Variants in ZNF618 observed in about 807,000 individuals in gnomAD.
ZNF618 encodes neural precursor cell expressed, developmentally down-regulated 10.
A neutral mutation model predicts 103.0 loss-of-function variants in ZNF618; 34 were observed. The observed-to-expected ratio is 0.33, with a 90% CI of 0.25 to 0.44. The LOEUF (loss-of-function observed/expected upper bound fraction) is 0.44, where lower values mean the gene tolerates loss of function less well. Among genes scored for constraint, ZNF618 ranks in the 20% least tolerant of loss-of-function variants. The pLI is 1.00. For synonymous variants in ZNF618, 551 were observed against 542.2 expected (o/e 1.02, Z -0.23); for missense variants, 1,059 against 1,295.4 (o/e 0.82, Z 2.80).
At chr9:114,018,040 C>G (rs548046300) in intron 10 of ZNF618, among the ~76,000 whole-genome samples, 1 of 152,298 alleles carries the variant, frequency 6.6e-6, no homozygotes, top group South Asian at 2.1e-4. Context: ...TCTCTGGGCT[C>G]TTTTCCCATC....
Position 114,049,666 on chromosome 9 carries a change from C to T in ZNF618, c.2364C>T (p.Phe788=), listed in dbSNP as rs1166033820. ...CTGTCAGCAAGCTCTGCCACCTCTT[C>T]CTGGAGGCGCTCAAGGAGAACTTCA... The part of the protein sequence containing the change: ...AGTVSKLCHL[F]LEALKENFKV... Residue 788 remains phenylalanine (F), a synonymous_variant, in exon 15 of 15, where the codon TTC becomes TTT. Transcript: ENST00000374126. The T allele has an allele frequency of 1.9e-6, 3 of 1,613,728 alleles. No individual in the cohort carries two copies. The African/African-American group carries it at 4.0e-5, about 22-fold the overall frequency.
chr9:113,925,965 C>T (rs1474898680), intron 1 of ZNF618, among the ~76,000 whole-genome samples: 1 of 152,154 alleles, frequency 6.6e-6, no homozygotes, highest in Non-Finnish European at 1.5e-5. Flanking sequence ...TTCTTTAACA[C>T]TGTCCTTCTC....
At chr9:114,044,202 A>G (rs1313833058) in intron 13 of ZNF618, among the ~76,000 whole-genome samples, 1 of 152,166 alleles carries the variant, frequency 6.6e-6, no homozygotes, top group Non-Finnish European at 1.5e-5. Context: ...TCTTTGATCC[A>G]TCTTGAGTTG....
At chr9:113,893,026 C>G (rs77743204) in intron 1 of ZNF618, among the ~76,000 whole-genome samples, 1 of 152,188 alleles carries the variant, frequency 6.6e-6, no homozygotes, top group South Asian at 2.1e-4. Context: ...AGCAGACTTA[C>G]GAAATAGCAG....
intron 6 of ZNF618, among the ~76,000 whole-genome samples, chr9:114,003,554 G>A (rs898328815): frequency 6.6e-6 from 1 of 152,202 alleles, no homozygotes; most frequent in African/African-American, 2.4e-5. Context: ...GCTACACACA[G>A]CAACATGGAT....
intron 1 of ZNF618, among the ~76,000 whole-genome samples, chr9:113,906,760 G>A (rs1365368391): frequency 6.6e-6 from 1 of 152,172 alleles, no homozygotes; most frequent in Admixed American, 6.5e-5. Context: ...TAGTCAGGAC[G>A]CCTTAGGTTT....
chr9:113,897,043 T>C (rs1830091646), intron 1 of ZNF618, among the ~76,000 whole-genome samples: 1 of 152,150 alleles, frequency 6.6e-6, no homozygotes, highest in Non-Finnish European at 1.5e-5. Flanking sequence ...TCTGTGTACT[T>C]AAAAAATAGC....
At chr9:114,037,894 C>T (rs895202092) in intron 13 of ZNF618, among the ~76,000 whole-genome samples, 208 of 152,290 alleles carry the variant, frequency 1.4e-3, no homozygotes, top group African/African-American at 4.6e-3. Flanking sequence ...GCACTTGCCT[C>T]GGAGACCTGC....
At chr9:113,879,709 C>T (rs764259369) in intron 1 of ZNF618, among the ~76,000 whole-genome samples, 7 of 150,410 alleles carry the variant, frequency 4.7e-5, no homozygotes, top group Non-Finnish European at 1.0e-4. Context: ...ATTATTTTGG[C>T]GAAAGATCGT....
rs373218022 is a variant in ZNF618 at position 113,930,037 on chromosome 9, C to T, written c.34-39080C>T. ...ACAGCCTTGGCCTATAGGGCTTTCA[C>T]GTGTTCTGGGAGGAGTGGAGTGGTC... On this transcript the variant is annotated intron_variant, in intron 1 of 14. Transcript: ENST00000374126. Among the ~76,000 whole-genome samples, 6 of 152,250 alleles carry T rather than the reference C, an allele frequency of 3.9e-5. No individual in the cohort carries two copies. The East Asian group carries it at 5.8e-4, about 15-fold the overall frequency.
chr9:113,938,175 T>TG (rs1280221044), intron 1 of ZNF618, among the ~76,000 whole-genome samples: 5 of 143,754 alleles, frequency 3.5e-5, no homozygotes, highest in Non-Finnish European at 6.1e-5. Context: ...GTTTTTTTTT[T>TG]TTTTTTTTTT....
chr9:113,987,787 AGTTT>A (rs937588672), intron 2 of ZNF618, among the ~76,000 whole-genome samples: 15 of 152,126 alleles, frequency 9.9e-5, no homozygotes, highest in African/African-American at 3.1e-4. Flanking sequence ...TGAGCCCAGG[AGTTT>A]GTTTGTGTTC....
At chr9:113,974,422 G>C (rs758135979) in intron 2 of ZNF618, among the ~76,000 whole-genome samples, 1 of 152,230 alleles carries the variant, frequency 6.6e-6, no homozygotes, top group East Asian at 1.9e-4. Flanking sequence ...ATTCCTCTGC[G>C]TGAGATCAGG....
At chr9:113,971,896 T>C (rs7034374) in intron 2 of ZNF618, among the ~76,000 whole-genome samples, 3,150 of 152,204 alleles carry the variant, frequency 0.021, 69 homozygotes, top group African/African-American at 0.047. Context: ...GTTACTACCA[T>C]GGCGCCGGAA....
chr9:113,996,300 A>G (rs1840585660), intron 3 of ZNF618, among the ~76,000 whole-genome samples: 1 of 152,180 alleles, frequency 6.6e-6, no homozygotes, highest in South Asian at 2.1e-4. Context: ...TGAGCTAAAT[A>G]TGGGACTGTC....
chr9:113,963,571 C>T (rs1392870345), intron 1 of ZNF618, among the ~76,000 whole-genome samples: 2 of 152,120 alleles, frequency 1.3e-5, no homozygotes, highest in African/African-American at 4.8e-5. Context: ...TGACGTCATC[C>T]ACCCAGAGCC....
chr9:113,990,004 T>C (rs1179000395), intron 3 of ZNF618, among the ~76,000 whole-genome samples: 1 of 152,236 alleles, frequency 6.6e-6, no homozygotes, highest in Non-Finnish European at 1.5e-5. Context: ...AGAGCCTCCA[T>C]AACCTGAACC....
intron 1 of ZNF618, among the ~76,000 whole-genome samples, chr9:113,935,655 C>T (rs976100582): frequency 6.6e-6 from 1 of 152,184 alleles, no homozygotes; most frequent in African/African-American, 2.4e-5. Flanking sequence ...CTTACCTCTA[C>T]TCTTCTCCTT....
Position 113,951,509 on chromosome 9 carries a change from A to ATGTGTGTATATGTACACATATG in ZNF618, c.34-17602_34-17581dup, listed in dbSNP as rs1564207639. On this transcript the variant is annotated intron_variant, in intron 1 of 14. Coordinates refer to ENST00000374126, the MANE Select transcript of ZNF618 (RefSeq NM_001318042.2). Reference sequence around the variant, plus strand: ...TATATGTGTGTATGTGTACACATATATGTGTGTATATGTACACATATGTGT... The same window carrying ATGTGTGTATATGTACACATATG: ...TATATGTGTGTATGTGTACACATATATGTGTGTATATGTACACATATGTGTGTGTATATGTACACATATGTGT... Among the ~76,000 whole-genome samples, 21 of 80,676 alleles carry ATGTGTGTATATGTACACATATG rather than the reference A, an allele frequency of 2.6e-4. 1 individual carries two copies. Among genetic ancestry groups the ATGTGTGTATATGTACACATATG allele is most frequent in the African/African-American group, 7.2e-4 (19 of 26,370 alleles). The allele number at this position is 80,676 out of a possible 152,430, so 52.9% of individuals were successfully genotyped here. A position where few individuals can be genotyped will look rare whatever the true frequency, so the allele number is the denominator to read the frequency against.
Sources: gnomAD v4.1 joint callset for allele counts (sites outside exome capture counted in the v4.1 genomes callset) on GRCh38, gnomAD v4.1.1 for gene constraint, MANE v1.5 for transcripts, NCBI Gene and HGNC (gene_info 2026-07-23, HGNC 2026-07-21) for gene names.